NEGR1: variants seen among roughly 807,000 people sequenced by gnomAD.
The protein encoded by NEGR1 is IgLON family member 4.
In NEGR1, 10 loss-of-function variants were observed where a neutral mutation model predicts 40.9. The ratio of observed to expected loss-of-function variants is 0.24; its 90% CI spans 0.15 to 0.42. The LOEUF (loss-of-function observed/expected upper bound fraction) is 0.42. Among genes scored for constraint, NEGR1 ranks in the 10% least tolerant of loss-of-function variants. The probability of loss-of-function intolerance (pLI) is 1.00; values close to 1 mark genes in which losing one functional copy is unlikely to be tolerated. For missense variants in NEGR1, 352 were observed against 438.9 expected, an observed-to-expected ratio of 0.80 and a Z score of 1.77; for synonymous variants, 185 against 166.8, an observed-to-expected ratio of 1.11 and a Z score of -0.84.
At chr1:71,916,069 G>A (rs1402874459) in intron 2 of NEGR1, among the ~76,000 whole-genome samples, 3 of 152,046 alleles carry the variant, frequency 2.0e-5, no homozygotes, top group Non-Finnish European at 4.4e-5. Flanking sequence ...GGGTAAGGGT[G>A]GGCAAAAGAG....
At chr1:71,440,270 C>T (rs1239898142) in intron 6 of NEGR1, among the ~76,000 whole-genome samples, 1 of 152,158 alleles carries the variant, frequency 6.6e-6, no homozygotes, top group Non-Finnish European at 1.5e-5. Context: ...TACTGAATTA[C>T]CAGTAAATTC....
intron 5 of NEGR1, among the ~76,000 whole-genome samples, chr1:71,594,589 C>A (rs1649627725): frequency 6.6e-6 from 1 of 152,106 alleles, no homozygotes; most frequent in Non-Finnish European, 1.5e-5. Flanking sequence ...TTAGCTTGAG[C>A]AATAAATTTA....
intron 6 of NEGR1, chr1:71,468,655 C>A (rs1340957769): frequency 6.6e-6 from 1 of 151,910 alleles, no homozygotes; most frequent in Non-Finnish European, 1.5e-5. Flanking sequence ...ATGAAACTAC[C>A]CTCACATTAT....
intron 2 of NEGR1, among the ~76,000 whole-genome samples, chr1:71,930,675 G>A (rs1259989438): frequency 6.6e-6 from 1 of 152,166 alleles, no homozygotes; most frequent in Non-Finnish European, 1.5e-5. Flanking sequence ...TGGATCTGAT[G>A]TTGTCATACT....
At chr1:72,225,121 T>C (rs1401689338) in intron 1 of NEGR1, among the ~76,000 whole-genome samples, 1 of 151,996 alleles carries the variant, frequency 6.6e-6, no homozygotes, top group Non-Finnish European at 1.5e-5. Context: ...AATCAGTGAA[T>C]GCCCATGTTT....
chr1:71,943,207 ATAGTT>A (rs560199631), intron 1 of NEGR1, among the ~76,000 whole-genome samples: 288 of 149,348 alleles, frequency 1.9e-3, no homozygotes, highest in Non-Finnish European at 3.5e-3. Flanking sequence ...ACATATATGT[ATAGTT>A]AAGTTTGTTT....
At position 72,173,943 on chromosome 1, in the gene NEGR1, C is replaced by CAAT. The variant is rs372415114; in HGVS notation, c.176+108373_176+108375dup. Among the ~76,000 whole-genome samples the CAAT allele has an allele frequency of 4.2e-4, 64 of 151,426 alleles. 1 individual carries two copies. The highest frequency in any genetic ancestry group is 2.2e-3 in the Admixed American group (34 of 15,192). ...GGGCTACAGAGTGAGACTCTTATCT[C>CAAT]AATAATAATAATAATAATAATGATA... On this transcript the variant is annotated intron_variant, in intron 1 of 6. Coordinates refer to ENST00000357731, the MANE Select transcript of NEGR1 (RefSeq NM_173808.3).
intron 1 of NEGR1, among the ~76,000 whole-genome samples, chr1:72,194,493 C>G (rs1392647173): frequency 6.6e-6 from 1 of 151,942 alleles, no homozygotes; most frequent in East Asian, 1.9e-4. Context: ...CTAGCTGTTT[C>G]TCTCAAAAAC....
chr1:71,648,761 T>C (rs917796280), intron 4 of NEGR1, among the ~76,000 whole-genome samples: 8 of 152,076 alleles, frequency 5.3e-5, no homozygotes, highest in Admixed American at 5.2e-4. Context: ...CTTTAAATGA[T>C]GCCCTGATCA....
At chr1:71,754,130 C>T (rs1655656358) in intron 3 of NEGR1, among the ~76,000 whole-genome samples, 1 of 152,094 alleles carries the variant, frequency 6.6e-6, no homozygotes, top group Non-Finnish European at 1.5e-5. Flanking sequence ...TTGTGTTCCT[C>T]AGAAGTGACA....
At chr1:72,219,961 C>T (rs1280636240) in intron 1 of NEGR1, among the ~76,000 whole-genome samples, 1 of 151,942 alleles carries the variant, frequency 6.6e-6, no homozygotes, top group Middle Eastern at 3.2e-3. Context: ...TTTACTATTT[C>T]TTCAGGTAAG....
chr1:72,009,570 C>A (rs1646639050), intron 1 of NEGR1, among the ~76,000 whole-genome samples: 1 of 151,908 alleles, frequency 6.6e-6, no homozygotes, highest in Non-Finnish European at 1.5e-5. Context: ...AAGACCCTAC[C>A]TACTATCATC....
At chr1:71,766,477 G>T (rs1656136826) in intron 3 of NEGR1, among the ~76,000 whole-genome samples, 1 of 152,152 alleles carries the variant, frequency 6.6e-6, no homozygotes, top group African/African-American at 2.4e-5. Flanking sequence ...CCAGTGTTGT[G>T]CTCACATGTT....
At chr1:72,223,895 C>T (rs1201824786) in intron 1 of NEGR1, among the ~76,000 whole-genome samples, 2 of 152,194 alleles carry the variant, frequency 1.3e-5, no homozygotes, top group South Asian at 2.1e-4. Flanking sequence ...AGCTTTGTTA[C>T]GGTTTAGATT....
chr1:71,716,661 T>G (rs187665100), intron 3 of NEGR1, among the ~76,000 whole-genome samples: 3 of 152,276 alleles, frequency 2.0e-5, no homozygotes, highest in Admixed American at 2.0e-4. Flanking sequence ...TAGTGAAAAG[T>G]TGGAGAAACA....
chr1:72,128,188 T>C (rs1203167141), intron 1 of NEGR1, among the ~76,000 whole-genome samples: 1 of 152,164 alleles, frequency 6.6e-6, no homozygotes, highest in African/African-American at 2.4e-5. Context: ...CTTTTAACAA[T>C]TCAGGAGTGT....
At chr1:71,671,772 C>T (rs1193890144) in intron 4 of NEGR1, among the ~76,000 whole-genome samples, 1 of 152,116 alleles carries the variant, frequency 6.6e-6, no homozygotes, top group Non-Finnish European at 1.5e-5. Context: ...AATCATGGGT[C>T]CCCGTTAGTA....
chr1:71,463,519 TCTAGG>T (rs1646727102), intron 6 of NEGR1: 1 of 152,078 alleles, frequency 6.6e-6, no homozygotes, highest in Non-Finnish European at 1.5e-5. Flanking sequence ...GGTTCCTGAG[TCTAGG>T]GGTAAGGAAA....
At chr1:71,742,265 G>A (rs144771911) in intron 3 of NEGR1, among the ~76,000 whole-genome samples, 33 of 152,240 alleles carry the variant, frequency 2.2e-4, no homozygotes, top group South Asian at 2.1e-3. Context: ...AAGCCTTCAT[G>A]GTGGGGGCTC....
Sources: allele counts gnomAD v4.1 joint callset (sites outside exome capture counted in the v4.1 genomes callset), GRCh38; gene constraint gnomAD v4.1.1; transcripts MANE v1.5; gene names NCBI Gene and HGNC (gene_info 2026-07-23, HGNC 2026-07-21).